The following SKI variants were observed in gnomAD, a reference collection of about 807,000 sequenced individuals.
The protein encoded by SKI is ski oncogene.
A neutral mutation model predicts 59.3 loss-of-function variants in SKI; 23 were observed. The ratio of observed to expected loss-of-function variants is 0.39; its 90% CI spans 0.28 to 0.55. The LOEUF (loss-of-function observed/expected upper bound fraction) is 0.55, where lower values mean the gene tolerates loss of function less well. Ranked by LOEUF, SKI falls within the 20% of genes least tolerant of loss-of-function variation. The probability of loss-of-function intolerance (pLI) is 0.67; values close to 1 mark genes in which losing one functional copy is unlikely to be tolerated. For synonymous variants in SKI, 673 were observed against 488.6 expected, an observed-to-expected ratio of 1.38 and a Z score of -4.98; for missense variants, 1,017 against 1,038.9, an observed-to-expected ratio of 0.98 and a Z score of 0.29.
chr1:2,273,145 G>A (rs187565485), intron 1 of SKI, among the ~76,000 whole-genome samples: 1 of 152,324 alleles, frequency 6.6e-6, no homozygotes, highest in African/African-American at 2.4e-5. Context: ...GGTGTTTTCG[G>A]CCGTCTGAGA....
Position 2,271,573 on chromosome 1 carries a change from C to T in SKI, c.970-31405C>T, listed in dbSNP as rs191831852. The stretch of plus-strand genomic sequence containing the variant: ...GGGCTTTGTGTTGGCTGCCCTGCCC[C>T]GGGCTGACCCCAGACGCTCGCCTTT... On this transcript the variant is annotated intron_variant, in intron 1 of 6. Transcript: ENST00000378536. Among the ~76,000 whole-genome samples the T allele has an allele frequency of 4.4e-4, 67 of 152,164 alleles. 1 individual carries two copies. The highest frequency in any genetic ancestry group is 7.7e-4 in the East Asian group (4 of 5,180).
Position 2,281,091 on chromosome 1 carries a change from A to AGG in SKI, c.970-21887_970-21886insGG, listed in dbSNP as rs1487715419. 5.3e-4 allele frequency among the ~76,000 whole-genome samples: 59 copies of AGG among 111,338 alleles called. 24 individuals carry two copies. The highest frequency in any genetic ancestry group is 6.0e-4 in the Non-Finnish European group (32 of 53,322). The allele number at this position is 111,338 out of a possible 152,430, so 73.0% of individuals were successfully genotyped here. On this transcript the variant is annotated intron_variant, in intron 1 of 6. Coordinates refer to ENST00000378536, the MANE Select transcript of SKI (RefSeq NM_003036.4). ...GATCTTCAGAGAGCGGACGCCCGAG[A>AGG]AGACAGGCGGCGGCGGAGATCTTCA...
chr1:2,239,746 G>A (rs1638826234), intron 1 of SKI, among the ~76,000 whole-genome samples: 1 of 152,244 alleles, frequency 6.6e-6, no homozygotes, highest in East Asian at 1.9e-4. Flanking sequence ...GCCAACGGGA[G>A]GCTTCTCAGA....
chr1:2,260,119 C>T (rs1373015352), intron 1 of SKI, among the ~76,000 whole-genome samples: 2 of 152,228 alleles, frequency 1.3e-5, no homozygotes, highest in African/African-American at 2.4e-5. Flanking sequence ...CACCATTCCT[C>T]GTCCTACCAG....
At chr1:2,238,152 G>T (rs866651577) in intron 1 of SKI, among the ~76,000 whole-genome samples, 46 of 152,346 alleles carry the variant, frequency 3.0e-4, no homozygotes, top group African/African-American at 1.1e-3. Context: ...GTCTGTCTGA[G>T]AGGAGTTAGG....
intron 1 of SKI, among the ~76,000 whole-genome samples, chr1:2,250,991 C>T (rs958110164): frequency 3.9e-5 from 6 of 152,196 alleles, no homozygotes; most frequent in Admixed American, 2.0e-4. Context: ...AGTAATCCGC[C>T]GAGGGGAACT....
intron 1 of SKI, among the ~76,000 whole-genome samples, chr1:2,256,758 T>G (rs1395692927): frequency 6.6e-6 from 1 of 152,232 alleles, no homozygotes; most frequent in East Asian, 1.9e-4. Context: ...GGCTCTGACA[T>G]GTGACCTGAC....
Position 2,303,881 on chromosome 1 carries a change from ACGTGGCC to A in SKI, c.1255_1261del (p.Val419SerfsTer10), listed in dbSNP as rs745510484. 6.2e-7 allele frequency: 1 copy of A among 1,612,414 alleles called. No homozygotes were observed. On this transcript the variant is annotated frameshift_variant, in exon 4 of 7. Coordinates refer to ENST00000378536, the MANE Select transcript of SKI (RefSeq NM_003036.4). LOFTEE classifies it high-confidence loss of function. This position sits in a 1 kb window ranked among gnomAD's most constrained non-coding sequence, Gnocchi z 5.6. ...AGCTTTGAGACAGCCGTGGCGCCCAACGTGGCCCTCGCACCGCCGGCCCAGCAGAAGG... is the reference window on the plus strand; with the variant it reads ...AGCTTTGAGACAGCCGTGGCGCCCAACTCGCACCGCCGGCCCAGCAGAAGG...
At chr1:2,253,707 C>T (rs191286176) in intron 1 of SKI, among the ~76,000 whole-genome samples, 175 of 152,348 alleles carry the variant, frequency 1.1e-3, no homozygotes, top group African/African-American at 3.9e-3. Context: ...GGAGCTGGTG[C>T]TGCTGCCCAC....
At chr1:2,241,066 A>G (rs262678) in intron 1 of SKI, among the ~76,000 whole-genome samples, 2,218 of 152,300 alleles carry the variant, frequency 0.015, 46 homozygotes, top group African/African-American at 0.051. Context: ...ACGTTGACAC[A>G]TGGAAGAGGG....
At chr1:2,251,649 G>C (rs1041946489) in intron 1 of SKI, among the ~76,000 whole-genome samples, 3 of 152,216 alleles carry the variant, frequency 2.0e-5, no homozygotes, top group Non-Finnish European at 4.4e-5. Context: ...CATCTGGGGG[G>C]GCTGGCGCCG....
At chr1:2,251,997 C>T (rs941560512) in intron 1 of SKI, among the ~76,000 whole-genome samples, 6 of 152,110 alleles carry the variant, frequency 3.9e-5, no homozygotes, top group African/African-American at 7.2e-5. Flanking sequence ...TGTGCCCAGA[C>T]GCGCCGTGGC....
chr1:2,271,677 T>C (rs912077171), intron 1 of SKI, among the ~76,000 whole-genome samples: 14 of 151,666 alleles, frequency 9.2e-5, no homozygotes, highest in Non-Finnish European at 8.8e-5. Flanking sequence ...TGCCTGTCCC[T>C]GCGGGCCCGC....
chr1:2,260,889 C>A (rs563222801), intron 1 of SKI, among the ~76,000 whole-genome samples: 1 of 152,226 alleles, frequency 6.6e-6, no homozygotes, highest in African/African-American at 2.4e-5. Context: ...GGAACTTTGT[C>A]CCTAACTCAA....
In SKI at chr1:2,303,883, G is replaced by A. The variant is rs995549077; in HGVS notation, c.1255G>A (p.Val419Met). The A allele has an allele frequency of 8.1e-6, 13 of 1,612,324 alleles. No individual in the cohort carries two copies. Among genetic ancestry groups the A allele is most frequent in the South Asian group, 1.1e-5 (1 of 91,076 alleles). The change falls in exon 4 of 7, where the codon GTG becomes ATG. Residue 419 changes from valine to methionine, a missense_variant. Transcript: ENST00000378536. This position sits in a 1 kb window ranked among gnomAD's most constrained non-coding sequence, Gnocchi z 5.6. ...CTTTGAGACAGCCGTGGCGCCCAAC[G>A]TGGCCCTCGCACCGCCGGCCCAGCA... ...KSFETAVAPNVALAPPAQQKV... is the reference protein window; with the variant it reads ...KSFETAVAPNMALAPPAQQKV...
chr1:2,230,275 G>C (rs1026286027), intron 1 of SKI, among the ~76,000 whole-genome samples: 1 of 152,234 alleles, frequency 6.6e-6, no homozygotes, highest in African/African-American at 2.4e-5. Context: ...CCCGCTCCCT[G>C]TTTGGTGCCT....
intron 1 of SKI, among the ~76,000 whole-genome samples, chr1:2,299,406 A>G (rs899919271): frequency 2.9e-4 from 44 of 152,274 alleles, no homozygotes; most frequent in Non-Finnish European, 2.8e-4. Context: ...TTGTTAGGAC[A>G]TGTGCAGACT....
At chr1:2,230,403 C>T (rs115243906) in intron 1 of SKI, among the ~76,000 whole-genome samples, 37 of 152,306 alleles carry the variant, frequency 2.4e-4, no homozygotes, top group Non-Finnish European at 5.0e-4. Context: ...TGCCAGGGAC[C>T]AAATCCCAGA....
At chr1:2,271,738 T>G (rs899956156) in intron 1 of SKI, among the ~76,000 whole-genome samples, 1 of 151,588 alleles carries the variant, frequency 6.6e-6, no homozygotes, top group Non-Finnish European at 1.5e-5. Context: ...TAGGGGGCTT[T>G]TGGTGGCCTA....
Sources: allele counts gnomAD v4.1 joint callset (sites outside exome capture counted in the v4.1 genomes callset), GRCh38; gene constraint gnomAD v4.1.1; non-coding constraint Gnocchi (gnomAD v3.1); transcripts MANE v1.5; gene names NCBI Gene and HGNC (gene_info 2026-07-23, HGNC 2026-07-21).